TNPO3: variants seen among roughly 807,000 people sequenced by gnomAD.
TNPO3 encodes the protein transportin 3, also known as transportin-3.
A neutral mutation model predicts 122.8 loss-of-function variants in TNPO3; 65 were observed. That is an observed-to-expected ratio of 0.53 (90% CI 0.43 to 0.65). TNPO3 has a LOEUF of 0.65. Among genes scored for constraint, TNPO3 ranks in the 30% least tolerant of loss-of-function variants. The probability of loss-of-function intolerance (pLI) is 0.00; values close to 1 mark genes in which losing one functional copy is unlikely to be tolerated. For missense variants in TNPO3, 850 were observed against 1,136.7 expected, an observed-to-expected ratio of 0.75 and a Z score of 3.63; for synonymous variants, 372 against 411.2, an observed-to-expected ratio of 0.90 and a Z score of 1.15.
chr7:128,960,257 A>G (rs1312279636), intron 21 of TNPO3, among the ~76,000 whole-genome samples: 1 of 152,220 alleles, frequency 6.6e-6, no homozygotes, highest in African/African-American at 2.4e-5. Flanking sequence ...AATTGATCAT[A>G]AGCAACTATA....
Position 129,051,801 on chromosome 7 carries a change from G to A in TNPO3, c.120+2850C>T, listed in dbSNP as rs140705053. On this transcript the variant is annotated intron_variant, in intron 1 of 22. Coordinates refer to ENST00000265388, the MANE Select transcript of TNPO3 (RefSeq NM_012470.4). Reference sequence around the variant, plus strand: ...AGAGACTACAGGTGCGCACCACCACGCCCAGCTAATTTTTGTATTTTTAGT... The same window carrying A: ...AGAGACTACAGGTGCGCACCACCACACCCAGCTAATTTTTGTATTTTTAGT... Among the ~76,000 whole-genome samples the A allele has an allele frequency of 7.0e-3, 1,062 of 152,132 alleles. 11 individuals are homozygous for A. The highest frequency in any genetic ancestry group is 0.024 in the African/African-American group (1,005 of 41,490).
At chr7:128,975,994 G>C in intron 16 of TNPO3, 59 bp from the exon 17 acceptor site, 1 of 1,193,344 alleles carries the variant, frequency 8.4e-7, no homozygotes, top group Non-Finnish European at 1.3e-6. Context: ...ACCAACTTAC[G>C]AAGCTGTCTC....
chr7:129,000,192 G>C (rs1023564494), intron 7 of TNPO3, among the ~76,000 whole-genome samples: 2 of 152,132 alleles, frequency 1.3e-5, no homozygotes, highest in Admixed American at 1.3e-4. Context: ...GCTTTCTAAC[G>C]AGTTCCTTGA....
At chr7:128,963,479 C>T (rs1382441641) in intron 21 of TNPO3, among the ~76,000 whole-genome samples, 1 of 152,178 alleles carries the variant, frequency 6.6e-6, no homozygotes, top group Non-Finnish European at 1.5e-5. Flanking sequence ...ATAGTAAAAG[C>T]AATCAAAGAA....
rs1796716831 is a variant in TNPO3, at chr7:128,954,405, T to A, written c.*1012A>T. ...TAGTAACATACTAAATGACACATCA[T>A]CCCTTGTTAGCCCTGTAAACATTTT... On this transcript the variant is annotated 3_prime_UTR_variant, in exon 23 of 23. Coordinates refer to ENST00000265388, the MANE Select transcript of TNPO3 (RefSeq NM_012470.4). 1 of 152,224 alleles carries A rather than the reference T, an allele frequency of 6.6e-6. No individual in the cohort carries two copies. The highest frequency in any genetic ancestry group is 2.4e-5 in the African/African-American group (1 of 41,444). The allele number at this position is 152,224 out of a possible 1,614,324, so 9.4% of individuals were successfully genotyped here.
In TNPO3 at chr7:129,054,846, T is replaced by G; in HGVS notation, c.-76A>C. The G allele has an allele frequency of 8.8e-6, 14 of 1,584,422 alleles. No homozygotes were observed. The highest frequency in any genetic ancestry group is 2.3e-5 in the East Asian group (1 of 44,212). On this transcript the variant is annotated 5_prime_UTR_variant, in exon 1 of 23. Transcript: ENST00000265388. ...TTCCTCGGTTGCTCCGCCTTCGCGCTTCCTCACTGTCTGGGCCACGGCCGC... is the reference window on the plus strand; with the variant it reads ...TTCCTCGGTTGCTCCGCCTTCGCGCGTCCTCACTGTCTGGGCCACGGCCGC...
chr7:129,054,242 G>T (rs1206001397), intron 1 of TNPO3, among the ~76,000 whole-genome samples: 4 of 152,190 alleles, frequency 2.6e-5, no homozygotes, highest in Non-Finnish European at 4.4e-5. Flanking sequence ...CAAAATGCCA[G>T]ATGCAAGTCT....
chr7:128,969,804 T>G (rs1201614957), intron 20 of TNPO3, among the ~76,000 whole-genome samples: 1 of 152,222 alleles, frequency 6.6e-6, no homozygotes, highest in Admixed American at 6.5e-5. Context: ...AAGGATTAAA[T>G]ACTTCTTGAG....
chr7:129,026,043 T>C (rs559758066), intron 1 of TNPO3, among the ~76,000 whole-genome samples: 75 of 151,460 alleles, frequency 5.0e-4, no homozygotes, highest in African/African-American at 1.8e-3. Context: ...GGAGAATTGC[T>C]TGAACCTGGG....
At chr7:129,000,388 C>A in intron 7 of TNPO3, 41 bp downstream of exon 7, 1 of 1,537,988 alleles carries the variant, frequency 6.5e-7, no homozygotes, top group South Asian at 1.3e-5. Flanking sequence ...ATGCAGCACA[C>A]AACTTGGAGA....
At chr7:128,958,928 G>A (rs1189556364) in intron 21 of TNPO3, among the ~76,000 whole-genome samples, 1 of 152,126 alleles carries the variant, frequency 6.6e-6, no homozygotes, top group Non-Finnish European at 1.5e-5. Flanking sequence ...AACCTGAGCT[G>A]GGGAGGTTGA....
intron 21 of TNPO3, among the ~76,000 whole-genome samples, 177 bp downstream of exon 21, chr7:128,967,103 T>G (rs1038362894): frequency 2.0e-5 from 3 of 152,248 alleles, no homozygotes; most frequent in Non-Finnish European, 2.9e-5. Context: ...GTTAAATATA[T>G]GTACATACAT....
At position 129,035,776 on chromosome 7, in the gene TNPO3, T is replaced by C. The variant is rs986632069; in HGVS notation, c.121-17619A>G. ...AGATTTTATGTGACTCCTGATGTGA[T>C]TGAGTAAAAATGACAAATTATCGTC... is the stretch of plus-strand genomic sequence containing the variant. On this transcript the variant is annotated intron_variant, in intron 1 of 22. Coordinates refer to ENST00000265388, the MANE Select transcript of TNPO3 (RefSeq NM_012470.4). Among the ~76,000 whole-genome samples, 5 of 152,126 alleles carry C rather than the reference T, an allele frequency of 3.3e-5. No individual in the cohort carries two copies. The South Asian group carries it at 6.2e-4, about 19-fold the overall frequency.
At chr7:128,994,728 G>A (rs993869191) in intron 8 of TNPO3, among the ~76,000 whole-genome samples, 1 of 151,966 alleles carries the variant, frequency 6.6e-6, no homozygotes, top group African/African-American at 2.4e-5. Context: ...ACATGATCTC[G>A]GCTCACTGCA....
chr7:128,979,521 T>C (rs1048415823), intron 15 of TNPO3, among the ~76,000 whole-genome samples: 3 of 152,232 alleles, frequency 2.0e-5, no homozygotes, highest in Admixed American at 6.5e-5. Context: ...TTTGAGACCA[T>C]TGGACACTTA....
intron 1 of TNPO3, among the ~76,000 whole-genome samples, chr7:129,018,960 C>A (rs761280574): frequency 6.6e-6 from 1 of 152,196 alleles, no homozygotes; most frequent in East Asian, 1.9e-4. Context: ...CTCAGGTGAT[C>A]CCCCTGCCTC....
intron 7 of TNPO3, among the ~76,000 whole-genome samples, chr7:129,000,133 C>T (rs1399914614): frequency 1.3e-5 from 2 of 152,074 alleles, no homozygotes; most frequent in Non-Finnish European, 2.9e-5. Flanking sequence ...TTAGCTGTAA[C>T]ACTCTAGAGA....
upstream of TNPO3, chr7:129,055,757 T>G (rs958598463): frequency 2.8e-6 from 1 of 358,906 alleles, no homozygotes; most frequent in Admixed American, 4.4e-5. Flanking sequence ...CCAATACCAG[T>G]GGTCTAACAA....
Position 129,013,072 on chromosome 7 carries a change from T to C in TNPO3, c.552+1907A>G, listed in dbSNP as rs761566481. Reference sequence around the variant, plus strand: ...TCCTCAAAGGTCAAGTAAAATCTTCTATCACCTTTCAGTTCATCTTTAAGA... The same window carrying C: ...TCCTCAAAGGTCAAGTAAAATCTTCCATCACCTTTCAGTTCATCTTTAAGA... On this transcript the variant is annotated intron_variant, in intron 4 of 22. Transcript: ENST00000265388. 3.4e-4 allele frequency among the ~76,000 whole-genome samples: 51 copies of C among 152,222 alleles called. 1 individual carries two copies. The highest frequency in any genetic ancestry group is 6.2e-4 in the Non-Finnish European group (42 of 68,032).
Sources: gnomAD v4.1 joint callset for allele counts (sites outside exome capture counted in the v4.1 genomes callset) on GRCh38, gnomAD v4.1.1 for gene constraint, MANE v1.5 for transcripts, NCBI Gene and HGNC (gene_info 2026-07-23, HGNC 2026-07-21) for gene names.